Variants in DPYD observed in about 807,000 individuals in gnomAD.
The protein encoded by DPYD is dihydropyrimidine dehydrogenase, also known as dihydropyrimidine dehydrogenase [NADP(+)].
A neutral mutation model predicts 116.2 loss-of-function variants in DPYD; 109 were observed. The ratio of observed to expected loss-of-function variants is 0.94; its 90% CI spans 0.80 to 1.10. The LOEUF is 1.10. Among genes scored for constraint, DPYD ranks in the 50% least tolerant of loss-of-function variants. The pLI, the probability that DPYD is intolerant of heterozygous loss-of-function variation, is 0.00. For missense variants in DPYD, 1,302 were observed against 1,254.5 expected (o/e 1.04, Z -0.57); for synonymous variants, 440 against 432.0 (o/e 1.02, Z -0.23).
At chr1:97,672,632 G>A (rs1659929402) in intron 8 of DPYD, among the ~76,000 whole-genome samples, 1 of 152,004 alleles carries the variant, frequency 6.6e-6, no homozygotes, top group African/African-American at 2.4e-5. Context: ...TTTTTATCTG[G>A]GGACAGAAGT....
intron 10 of DPYD, among the ~76,000 whole-genome samples, chr1:97,585,138 T>C (rs1355756704): frequency 2.0e-5 from 3 of 152,278 alleles, no homozygotes; most frequent in African/African-American, 7.2e-5. Flanking sequence ...CTCACTGGTC[T>C]GCCACCTTGA....
At chr1:97,733,093 TA>T (rs1252371981) in intron 4 of DPYD, among the ~76,000 whole-genome samples, 2 of 151,958 alleles carry the variant, frequency 1.3e-5, no homozygotes, top group African/African-American at 2.4e-5. Flanking sequence ...AAATAGGCAA[TA>T]AAGGTGGCAT....
intron 3 of DPYD, among the ~76,000 whole-genome samples, chr1:97,751,458 G>GTGTGTA (rs1664900742): frequency 1.8e-4 from 4 of 22,058 alleles, no homozygotes; most frequent in Non-Finnish European, 2.6e-4. Flanking sequence ...GTGTGTGTGT[G>GTGTGTA]TGTATATATA....
intron 18 of DPYD, among the ~76,000 whole-genome samples, chr1:97,257,452 T>TATATATAGAGAG (rs375490078): frequency 1.1e-3 from 144 of 126,466 alleles, no homozygotes; most frequent in African/African-American, 4.1e-3. Flanking sequence ...TATATATATA[T>TATATATAGAGAG]AGAGAGAGAG....
intron 13 of DPYD, among the ~76,000 whole-genome samples, chr1:97,459,059 T>TA (rs966200728): frequency 1.3e-5 from 2 of 151,778 alleles, no homozygotes; most frequent in African/African-American, 2.4e-5. Flanking sequence ...ATGTAAAATA[T>TA]AAAAAAATTA....
chr1:97,521,006 G>A (rs1648616609), intron 12 of DPYD, among the ~76,000 whole-genome samples: 1 of 152,090 alleles, frequency 6.6e-6, no homozygotes, highest in Non-Finnish European at 1.5e-5. Context: ...TGGGATTGCT[G>A]GGTCAAATGG....
At position 97,078,883 on chromosome 1, in the gene DPYD, A is replaced by G; in HGVS notation, c.*93T>C. 1 of 1,416,380 alleles carries G rather than the reference A, an allele frequency of 7.1e-7. No homozygotes were observed. The highest frequency in any genetic ancestry group is 2.3e-5 in the East Asian group (1 of 43,814). The allele number at this position is 1,416,380 out of a possible 1,614,324, so 87.7% of individuals were successfully genotyped here. On this transcript the variant is annotated 3_prime_UTR_variant, in exon 23 of 23. Coordinates refer to ENST00000370192, the MANE Select transcript of DPYD (RefSeq NM_000110.4). ...ATTTAGAAAATGTATATTTGTTTTA[A>G]TTTGGAAAGAGCTGAACACAAGGAT...
chr1:97,461,696 T>A (rs887402906), intron 13 of DPYD, among the ~76,000 whole-genome samples: 1 of 152,224 alleles, frequency 6.6e-6, no homozygotes, highest in African/African-American at 2.4e-5. Context: ...TGTTTTCTCA[T>A]CATTCTACTC....
At chr1:97,447,222 C>T (rs1676138062) in intron 14 of DPYD, among the ~76,000 whole-genome samples, 1 of 152,182 alleles carries the variant, frequency 6.6e-6, no homozygotes, top group Non-Finnish European at 1.5e-5. Context: ...TAGAAGCTGC[C>T]ACAGTGGGTT....
intron 2 of DPYD, among the ~76,000 whole-genome samples, chr1:97,878,889 G>A (rs530429917): frequency 8.6e-5 from 13 of 151,986 alleles, no homozygotes; most frequent in Admixed American, 3.3e-4. Context: ...GTGGCAAGTG[G>A]CACAGACAAT....
intron 16 of DPYD, among the ~76,000 whole-genome samples, chr1:97,340,362 T>C (rs1669530432): frequency 1.3e-5 from 2 of 151,892 alleles, no homozygotes; most frequent in South Asian, 2.1e-4. Flanking sequence ...AGAAAAGACA[T>C]ATAGGGAAAA....
chr1:97,850,683 GT>G (rs570173606), intron 2 of DPYD, among the ~76,000 whole-genome samples: 161 of 152,114 alleles, frequency 1.1e-3, no homozygotes, highest in African/African-American at 3.5e-3. Context: ...GGAGATCACA[GT>G]AAAAATAAAA....
intron 20 of DPYD, among the ~76,000 whole-genome samples, chr1:97,130,961 T>C (rs1200890933): frequency 6.8e-6 from 1 of 146,678 alleles, no homozygotes; most frequent in Non-Finnish European, 1.5e-5. Context: ...ATCTAACTTC[T>C]GCATGCCCAG....
At chr1:97,721,038 T>G (rs149196728) in intron 5 of DPYD, 1 of 1,404,200 alleles carries the variant, frequency 7.1e-7, no homozygotes, top group Non-Finnish European at 9.6e-7. Flanking sequence ...ATGACATTAT[T>G]AATGTGGTTA....
In DPYD at chr1:97,384,138, T is replaced by C. The variant is rs933125737; in HGVS notation, c.1906-1677A>G. Among the ~76,000 whole-genome samples the C allele has an allele frequency of 4.6e-5, 7 of 151,872 alleles. 1 individual carries two copies. Among genetic ancestry groups the C allele is most frequent in the African/African-American group, 1.7e-4 (7 of 41,418 alleles). On this transcript the variant is annotated intron_variant, in intron 14 of 22. Coordinates refer to ENST00000370192, the MANE Select transcript of DPYD (RefSeq NM_000110.4). The stretch of plus-strand genomic sequence containing the variant: ...AAATAAAAAAATAAAGACTAAGAGA[T>C]TGAGACACAAAGAGTTTGTGCCAAG...
At chr1:97,397,007 C>A (rs559392122) in intron 14 of DPYD, among the ~76,000 whole-genome samples, 2 of 152,204 alleles carry the variant, frequency 1.3e-5, no homozygotes, top group East Asian at 3.9e-4. Flanking sequence ...TCTCTTACCT[C>A]ACTCAATGTG....
chr1:97,429,892 G>T (rs983926867), intron 14 of DPYD, among the ~76,000 whole-genome samples: 3 of 152,042 alleles, frequency 2.0e-5, no homozygotes, highest in Non-Finnish European at 4.4e-5. Context: ...AGAAGGGGGG[G>T]TAATCAATAA....
chr1:97,567,672 C>T (rs993707454), intron 11 of DPYD, among the ~76,000 whole-genome samples: 1 of 152,042 alleles, frequency 6.6e-6, no homozygotes, highest in Non-Finnish European at 1.5e-5. Context: ...TATGTAATCC[C>T]ATAATTTTCA....
intron 8 of DPYD, among the ~76,000 whole-genome samples, chr1:97,647,404 A>G (rs2100833661): frequency 1.3e-5 from 2 of 152,168 alleles, no homozygotes; most frequent in South Asian, 4.1e-4. Context: ...GGTTGAAATA[A>G]CATGTAGGAG....
Sources: gnomAD v4.1 joint callset for allele counts (sites outside exome capture counted in the v4.1 genomes callset) on GRCh38, gnomAD v4.1.1 for gene constraint, MANE v1.5 for transcripts, NCBI Gene and HGNC (gene_info 2026-07-23, HGNC 2026-07-21) for gene names.